MLLT6: variants seen among roughly 807,000 people sequenced by gnomAD.
MLLT6 encodes the protein protein AF-17.
MLLT6 carries 22 observed loss-of-function variants against 103.0 expected under a neutral mutation model. The ratio of observed to expected loss-of-function variants is 0.21; its 90% CI spans 0.15 to 0.31. The LOEUF (loss-of-function observed/expected upper bound fraction) is 0.31, where lower values mean the gene tolerates loss of function less well. Among genes scored for constraint, MLLT6 ranks in the 10% least tolerant of loss-of-function variants. The probability of loss-of-function intolerance (pLI) is 1.00; values close to 1 mark genes in which losing one functional copy is unlikely to be tolerated. For synonymous variants in MLLT6, 606 were observed against 623.5 expected (o/e 0.97, Z 0.42); for missense variants, 1,199 against 1,441.7 (o/e 0.83, Z 2.73).
Position 38,712,677 on chromosome 17 carries a change from C to G in MLLT6, c.721-14C>G. 6.3e-7 allele frequency: 1 copy of G among 1,588,184 alleles called. No individual in the cohort carries two copies. The highest frequency in any genetic ancestry group is 8.6e-7 in the Non-Finnish European group (1 of 1,156,508). ...GCCCCCCAGCACAATATCTAGTCAC[C>G]TCTCCCTCTCCAGAGTCGAAAGGAC... On this transcript the variant is annotated splice_polypyrimidine_tract_variant and intron_variant, in intron 7 of 19. Transcript: ENST00000621332.
At chr17:38,711,825 T>G in intron 6 of MLLT6, 22 bp from the exon 7 acceptor site, 1 of 1,498,956 alleles carries the variant, frequency 6.7e-7, no homozygotes, top group Non-Finnish European at 8.9e-7. Context: ...GGTTTGCAAT[T>G]TCTCTCAAAT....
rs1366821786 is a variant in MLLT6, at chr17:38,707,774, G to A, written c.256G>A (p.Val86Met). The stretch of plus-strand genomic sequence containing the variant: ...CCACACTGCCCCAGGCTGGGCACAC[G>A]TGGTGTGTGCCCTCTACATCCCCGA... The part of the protein sequence containing the change: ...KRTDNGGWAH[V>M]VCALYIPEVQ... The change falls in exon 4 of 20, where the codon GTG (valine) becomes ATG (methionine). Residue 86 changes from valine to methionine, a missense_variant. Val to Met is a conservative substitution (Grantham distance 21). This residue lies in a region of MLLT6 where 1 missense variants were observed against 22.4 expected (regional missense o/e 0.04). Coordinates refer to ENST00000621332, the MANE Select transcript of MLLT6 (RefSeq NM_005937.4). The A allele has an allele frequency of 1.2e-6, 2 of 1,601,678 alleles. No homozygotes were observed. The highest frequency in any genetic ancestry group is 1.7e-6 in the Non-Finnish European group (2 of 1,169,036).
At chr17:38,717,756 C>T in intron 11 of MLLT6, 89 bp from the exon 12 acceptor site, 1 of 1,373,188 alleles carries the variant, frequency 7.3e-7, no homozygotes, top group Admixed American at 1.8e-5. Flanking sequence ...CTCTGCTCCC[C>T]AGCACACCCG....
chr17:38,712,471 G>A (rs1426512878), intron 7 of MLLT6, among the ~76,000 whole-genome samples: 4 of 152,194 alleles, frequency 2.6e-5, no homozygotes, highest in Non-Finnish European at 4.4e-5. Context: ...AATGGGACAG[G>A]CTATTTTTAG....
intron 7 of MLLT6, 37 bp from the exon 8 acceptor site, chr17:38,712,654 C>G (rs1237875853): frequency 7.2e-6 from 10 of 1,383,222 alleles, no homozygotes; most frequent in Non-Finnish European, 9.3e-6. Flanking sequence ...CCCAGACAGC[C>G]CCCCAGCACA....
At position 38,725,991 on chromosome 17, in the gene MLLT6, C is replaced by T; in HGVS notation, c.*393C>T. Reference sequence around the variant, plus strand: ...AATGGGGAGAAGTGGAGGGAGAGGCCCTGGGCCTGTCCCTGCGGGGAAATC... The same window carrying T: ...AATGGGGAGAAGTGGAGGGAGAGGCTCTGGGCCTGTCCCTGCGGGGAAATC... On this transcript the variant is annotated 3_prime_UTR_variant, in exon 20 of 20. Transcript: ENST00000621332. The T allele has an allele frequency of 3.6e-6, 1 of 277,552 alleles. No individual in the cohort carries two copies. The highest frequency in any genetic ancestry group is 5.3e-5 in the Admixed American group (1 of 18,862). The allele number at this position is 277,552 out of a possible 1,614,324, so 17.2% of individuals were successfully genotyped here.
At chr17:38,719,326 G>A in intron 12 of MLLT6, 191 bp from the exon 13 acceptor site, 1 of 597,310 alleles carries the variant, frequency 1.7e-6, no homozygotes, top group African/African-American at 1.9e-5. Flanking sequence ...CAGATGCCCG[G>A]GGTTTGCCTC....
At chr17:38,720,010 GAC>G (rs1333908815) in intron 14 of MLLT6, 115 bp downstream of exon 14, 1 of 1,380,962 alleles carries the variant, frequency 7.2e-7, no homozygotes, top group African/African-American at 1.5e-5. Flanking sequence ...CCCCAGCCTT[GAC>G]TCTCGGCCAC....
chr17:38,712,668 T>C, intron 7 of MLLT6, 23 bp from the exon 8 acceptor site: 1 of 1,539,014 alleles, frequency 6.5e-7, no homozygotes, highest in Middle Eastern at 1.7e-4. Context: ...CAGCACAATA[T>C]CTAGTCACCT....
chr17:38,715,711 A>T lies in MLLT6; in HGVS notation c.919A>T (p.Ser307Cys). 1 of 1,614,176 alleles carries T rather than the reference A, an allele frequency of 6.2e-7. No homozygotes were observed. Among genetic ancestry groups the T allele is most frequent in the East Asian group, 2.2e-5 (1 of 44,884 alleles). The change falls in exon 9 of 20, where the codon AGC (serine) becomes TGC (cysteine). Residue 307 changes from serine (S) to cysteine (C), a missense_variant. Physicochemically the swap from Ser to Cys is moderately radical, Grantham distance 112. Around this residue, in one of 7 missense-constraint regions of MLLT6, gnomAD observed 1,034 missense variants for 1,091.5 expected, o/e 0.95. Coordinates refer to ENST00000621332, the MANE Select transcript of MLLT6 (RefSeq NM_005937.4). ...AAAGGGGAAAAAGTCTTCCAGCCAT[A>T]GCCTGAGTCATAAAGGGAAGAAACT... is the stretch of plus-strand genomic sequence containing the variant. ...ESKGKKSSSH[S>C]LSHKGKKLSS...
chr17:38,705,521 A>C lies in MLLT6; in HGVS notation c.-112A>C. On this transcript the variant is annotated 5_prime_UTR_variant, in exon 1 of 20. Coordinates refer to ENST00000621332, the MANE Select transcript of MLLT6 (RefSeq NM_005937.4). ...GAAAAGAAGCGGCGGCGGCGGAGGG[A>C]GAGGAGGAGGGGGCGAGGAGGCGCG... 2 of 471,336 alleles carry C rather than the reference A, an allele frequency of 4.2e-6. No individual in the cohort carries two copies. The highest frequency in any genetic ancestry group is 7.6e-6 in the Non-Finnish European group (2 of 261,960). 29.2% of individuals were successfully genotyped at this position (471,336 alleles called of 1,614,324 possible). A position where few individuals can be genotyped will look rare whatever the true frequency, so the allele number is the denominator to read the frequency against.
intron 9 of MLLT6, 37 bp downstream of exon 9, chr17:38,715,865 GA>G: frequency 6.5e-7 from 1 of 1,543,922 alleles, no homozygotes; most frequent in Non-Finnish European, 8.8e-7. Context: ...TGGGAGCAGG[GA>G]AAGCCTTTTG....
At chr17:38,722,372 G>A (rs1380366699) in intron 17 of MLLT6, 145 bp downstream of exon 17, 3 of 656,522 alleles carry the variant, frequency 4.6e-6, no homozygotes, top group Non-Finnish European at 7.4e-6. Context: ...TCACCTCTTG[G>A]CCTCTAAGGA....
Position 38,726,030 on chromosome 17 carries a change from G to T in MLLT6, c.*432G>T, listed in dbSNP as rs1418717789. The T allele has an allele frequency of 4.0e-6, 1 of 247,956 alleles. No individual in the cohort carries two copies. The highest frequency in any genetic ancestry group is 2.2e-5 in the African/African-American group (1 of 45,798). 15.4% of individuals were successfully genotyped at this position (247,956 alleles called of 1,614,324 possible). On this transcript the variant is annotated 3_prime_UTR_variant, in exon 20 of 20. Transcript: ENST00000621332. ...TGCGGGGAAATCTTTTATGGAAGAA[G>T]GGCTGGACCCACTTTACCTGCAGTT...
chr17:38,717,755 C>G, intron 11 of MLLT6, 90 bp from the exon 12 acceptor site: 8 of 1,370,168 alleles, frequency 5.8e-6, no homozygotes, highest in Non-Finnish European at 8.3e-6. Context: ...CCTCTGCTCC[C>G]CAGCACACCC....
chr17:38,721,902 C>CGCAGCA lies in MLLT6; in HGVS notation c.2470_2475dup (p.Ser826_Ser827dup). The CGCAGCA allele has an allele frequency of 6.3e-7, 1 of 1,578,276 alleles. No individual in the cohort carries two copies. Among genetic ancestry groups the CGCAGCA allele is most frequent in the Non-Finnish European group, 8.5e-7 (1 of 1,169,728 alleles). ...GGACCCACACTCAGGCTGCCCGAGC[C>CGCAGCA]GCAGCAGCTCGTCGCTGTCCTTCCA... On this transcript the variant is annotated inframe_insertion, in exon 17 of 20. Coordinates refer to ENST00000621332, the MANE Select transcript of MLLT6 (RefSeq NM_005937.4).
rs1396782778 is a variant in MLLT6 at position 38,709,284 on chromosome 17, C to T, written c.458+8C>T. ...AGCTTTCCACGTCACCTGGTGAGAC[C>T]CCTGTCCCACCCCCCTGCCCCCCGG... On this transcript the variant is annotated splice_region_variant and intron_variant, in intron 5 of 19. Transcript: ENST00000621332. This position sits in a 1 kb window ranked among gnomAD's most constrained non-coding sequence, Gnocchi z 4.3. 2.5e-6 allele frequency: 4 copies of T among 1,601,994 alleles called. No individual in the cohort carries two copies. Among genetic ancestry groups the T allele is most frequent in the Non-Finnish European group, 2.6e-6 (3 of 1,168,942 alleles).
chr17:38,716,936 G>C lies in MLLT6; in HGVS notation c.1606G>C (p.Gly536Arg). The C allele has an allele frequency of 1.2e-6, 2 of 1,613,842 alleles. No individual in the cohort carries two copies. Among genetic ancestry groups the C allele is most frequent in the Non-Finnish European group, 1.7e-6 (2 of 1,179,984 alleles). Residue 536 changes from glycine to arginine, a missense_variant, in exon 10 of 20, where the codon GGG becomes CGG. Coordinates refer to ENST00000621332, the MANE Select transcript of MLLT6 (RefSeq NM_005937.4). The surrounding 1 kb of genome is among the most constrained non-coding windows in gnomAD (Gnocchi z 5.6). ...GLSSRTFGPS[G>R]SLPSLSLESP... ...GTCCTCCCGAACCTTTGGGCCTTCT[G>C]GGAGCTTGCCCAGCTTGAGCCTGGA...
In MLLT6 at chr17:38,714,671, G is replaced by A. The variant is rs552317128; in HGVS notation, c.820-941G>A. 8 of 152,318 alleles carry A rather than the reference G, an allele frequency of 5.3e-5. No individual in the cohort carries two copies. In the East Asian group the frequency reaches 1.5e-3, roughly 29 times the overall value. The allele number at this position is 152,318 out of a possible 1,614,324, so 9.4% of individuals were successfully genotyped here. On this transcript the variant is annotated intron_variant, in intron 8 of 19. Coordinates refer to ENST00000621332, the MANE Select transcript of MLLT6 (RefSeq NM_005937.4). ...GGAGAATCACTTGAACCTGGGAGGT[G>A]ATTGAAGGTTGCAGTGAGCCGAGAT... is the stretch of plus-strand genomic sequence containing the variant.
Sources: allele counts gnomAD v4.1 joint callset (sites outside exome capture counted in the v4.1 genomes callset), GRCh38; gene constraint gnomAD v4.1.1; regional missense constraint gnomAD v4.1.1; non-coding constraint Gnocchi (gnomAD v3.1); transcripts MANE v1.5; gene names NCBI Gene and HGNC (gene_info 2026-07-23, HGNC 2026-07-21).